Variants in PPP5C observed in about 807,000 individuals in gnomAD.
PPP5C encodes the protein serine/threonine-protein phosphatase 5.
PPP5C carries 21 observed loss-of-function variants against 66.7 expected under a neutral mutation model. That is an observed-to-expected ratio of 0.31 (90% confidence interval 0.22 to 0.45). PPP5C has a LOEUF of 0.45. PPP5C is among the 20% of genes least tolerant of loss of function. PPP5C has a pLI of 1.00. For synonymous variants in PPP5C, 246 were observed against 257.4 expected (o/e 0.96, Z 0.43); for missense variants, 464 against 675.9 (o/e 0.69, Z 3.48).
rs79887556 is a variant in PPP5C, at chr19:46,385,356, G to A, written c.904+447G>A. On this transcript the variant is annotated intron_variant, in intron 7 of 12. Coordinates refer to ENST00000012443, the MANE Select transcript of PPP5C (RefSeq NM_006247.4). The stretch of plus-strand genomic sequence containing the variant: ...TTTGGGTTCTCTTGATTGAAGTAGA[G>A]CCCGGAGCTGAGTGTGCTGGTTCAC... Among the ~76,000 whole-genome samples, 5 of 152,278 alleles carry A rather than the reference G, an allele frequency of 3.3e-5. 1 individual carries two copies. In the Middle Eastern group the frequency reaches 0.014, roughly 414 times the overall value.
At chr19:46,357,555 C>T (rs1289179419) in intron 2 of PPP5C, among the ~76,000 whole-genome samples, 1 of 152,100 alleles carries the variant, frequency 6.6e-6, no homozygotes, top group African/African-American at 2.4e-5. Context: ...GGACTTAGTC[C>T]CCACTTGTCC....
chr19:46,390,689 G>T lies in PPP5C; in HGVS notation c.*343G>T, dbSNP rs539681087. 1.7e-5 allele frequency: 20 copies of T among 1,210,586 alleles called. No homozygotes were observed. Among genetic ancestry groups the T allele is most frequent in the Non-Finnish European group, 2.1e-5 (20 of 958,870 alleles). The allele number at this position is 1,210,586 out of a possible 1,614,324, so 75.0% of individuals were successfully genotyped here. A position where few individuals can be genotyped will look rare whatever the true frequency, so the allele number is the denominator to read the frequency against. ...GCTCCTCCCCCACTCAAGCAATAGG[G>T]CCCCGCCATAGGAAGACCCCCAGAG... On this transcript the variant is annotated 3_prime_UTR_variant, in exon 13 of 13. Transcript: ENST00000012443.
chr19:46,352,631 T>C (rs1443142225), intron 1 of PPP5C, among the ~76,000 whole-genome samples: 1 of 152,058 alleles, frequency 6.6e-6, no homozygotes, highest in Non-Finnish European at 1.5e-5. Flanking sequence ...CCATCCTGGC[T>C]AACACGGTGA....
Position 46,388,003 on chromosome 19 carries a change from C to T in PPP5C, c.1136-405C>T, listed in dbSNP as rs12609390. On this transcript the variant is annotated intron_variant, in intron 9 of 12. Transcript: ENST00000012443. The surrounding 1 kb of genome is among the most constrained non-coding windows in gnomAD (Gnocchi z 4.9). ...GGGAGAAGTTGGCGAGTGGGCAGGG[C>T]TGTGCTTTGAGGGCTGACATTGGAC... 64,699 of 277,224 alleles carry T rather than the reference C, an allele frequency of 0.23. 8,561 individuals carry two copies. Among genetic ancestry groups the T allele is most frequent in the Non-Finnish European group, 0.3 (43,023 of 143,296 alleles). The allele number at this position is 277,224 out of a possible 1,614,324, so 17.2% of individuals were successfully genotyped here.
At chr19:46,350,182 C>G (rs926094963) in intron 1 of PPP5C, among the ~76,000 whole-genome samples, 1 of 152,074 alleles carries the variant, frequency 6.6e-6, no homozygotes, top group African/African-American at 2.4e-5. Flanking sequence ...AGAGGCCAGA[C>G]CAGGGCTGGG....
intron 2 of PPP5C, among the ~76,000 whole-genome samples, chr19:46,365,491 T>A (rs1972475334): frequency 6.6e-6 from 1 of 152,198 alleles, no homozygotes; most frequent in South Asian, 2.1e-4. Flanking sequence ...TGTGCCGCTT[T>A]GTGGGTGTCA....
Position 46,390,954 on chromosome 19 carries a change from C to A in PPP5C, c.*608C>A. ...AGGCCGCAAAGTCCCGCTGGCCGGGCCCACCCAGCTCTGGGCTGACCGCCC... is the reference window on the plus strand; with the variant it reads ...AGGCCGCAAAGTCCCGCTGGCCGGGACCACCCAGCTCTGGGCTGACCGCCC... On this transcript the variant is annotated 3_prime_UTR_variant, in exon 13 of 13. Coordinates refer to ENST00000012443, the MANE Select transcript of PPP5C (RefSeq NM_006247.4). 1.7e-6 allele frequency: 2 copies of A among 1,182,120 alleles called. No homozygotes were observed. The highest frequency in any genetic ancestry group is 3.1e-5 in the South Asian group (2 of 63,874). 73.2% of individuals were successfully genotyped at this position (1,182,120 alleles called of 1,614,324 possible).
chr19:46,383,355 C>G lies in PPP5C; in HGVS notation c.634-56C>G. ...TCATGGGCAGTCCAGGCTTTCGGGGCCAGGTTGGGCAGCAGCCCCTGCAGC... is the reference window on the plus strand; with the variant it reads ...TCATGGGCAGTCCAGGCTTTCGGGGGCAGGTTGGGCAGCAGCCCCTGCAGC... On this transcript the variant is annotated intron_variant, in intron 4 of 12. Coordinates refer to ENST00000012443, the MANE Select transcript of PPP5C (RefSeq NM_006247.4). The surrounding 1 kb of genome is among the most constrained non-coding windows in gnomAD (Gnocchi z 5.0). 1.3e-6 allele frequency: 2 copies of G among 1,585,262 alleles called. No homozygotes were observed. The highest frequency in any genetic ancestry group is 1.7e-6 in the Non-Finnish European group (2 of 1,166,486).
intron 2 of PPP5C, among the ~76,000 whole-genome samples, chr19:46,360,662 C>T (rs879586034): frequency 2.0e-5 from 3 of 151,992 alleles, no homozygotes; most frequent in South Asian, 2.1e-4. Flanking sequence ...CACCACACCC[C>T]GCTAATTTTT....
chr19:46,390,775 G>T lies in PPP5C; in HGVS notation c.*429G>T, dbSNP rs989206273. The T allele has an allele frequency of 5.3e-6, 6 of 1,131,834 alleles. No individual in the cohort carries two copies. In the African/African-American group the frequency reaches 8.0e-5, roughly 15 times the overall value. The allele number at this position is 1,131,834 out of a possible 1,614,324, so 70.1% of individuals were successfully genotyped here. On this transcript the variant is annotated 3_prime_UTR_variant, in exon 13 of 13. Coordinates refer to ENST00000012443, the MANE Select transcript of PPP5C (RefSeq NM_006247.4). ...CTCCTATAGCCCCATGGTGGGGCTA[G>T]GCTGGGGCTCACCCCCCTCCCCAGC...
At chr19:46,384,759 GCAC>G in intron 6 of PPP5C, 42 bp from the exon 7 acceptor site, 60 of 1,342,666 alleles carry the variant, frequency 4.5e-5, no homozygotes, top group Non-Finnish European at 6.2e-5. Flanking sequence ...CCACCGCACC[GCAC>G]CCTTCCCCTC....
chr19:46,351,484 C>T (rs534666677), intron 1 of PPP5C, among the ~76,000 whole-genome samples: 92 of 152,338 alleles, frequency 6.0e-4, no homozygotes, highest in Admixed American at 3.3e-3. Context: ...TCCTCACGGC[C>T]ACCCAGTGAG....
chr19:46,351,587 C>T (rs1972185497), intron 1 of PPP5C, among the ~76,000 whole-genome samples: 1 of 152,260 alleles, frequency 6.6e-6, no homozygotes. Flanking sequence ...AGGATCCCCT[C>T]CCTGTGCCAC....
At position 46,383,623 on chromosome 19, in the gene PPP5C, C is replaced by A; in HGVS notation, c.699+147C>A. 9.8e-7 allele frequency: 1 copy of A among 1,021,524 alleles called. No individual in the cohort carries two copies. The highest frequency in any genetic ancestry group is 1.4e-6 in the Non-Finnish European group (1 of 695,646). 63.3% of individuals were successfully genotyped at this position (1,021,524 alleles called of 1,614,324 possible). A position where few individuals can be genotyped will look rare whatever the true frequency, so the allele number is the denominator to read the frequency against. ...GCCTTTCCTCCTGAATATCCCATTTCTCTCCTGGCCTCTTGGTCTTCGTTT... is the reference window on the plus strand; with the variant it reads ...GCCTTTCCTCCTGAATATCCCATTTATCTCCTGGCCTCTTGGTCTTCGTTT... On this transcript the variant is annotated intron_variant, in intron 5 of 12. Coordinates refer to ENST00000012443, the MANE Select transcript of PPP5C (RefSeq NM_006247.4). The surrounding 1 kb of genome is among the most constrained non-coding windows in gnomAD (Gnocchi z 5.0).
chr19:46,389,535 G>GCTGA (rs749435588), intron 11 of PPP5C, among the ~76,000 whole-genome samples: 1 of 150,268 alleles, frequency 6.7e-6, no homozygotes, highest in East Asian at 2.0e-4. Context: ...GTCTTTTCCA[G>GCTGA]CTGACTTCTT....
intron 4 of PPP5C, among the ~76,000 whole-genome samples, chr19:46,378,865 T>C (rs1306442073): frequency 6.6e-6 from 1 of 151,106 alleles, no homozygotes; most frequent in African/African-American, 2.4e-5. Flanking sequence ...GTCTTGCCTT[T>C]TTATCCAGTT....
At chr19:46,361,129 A>ATTTTTTT (rs59090221) in intron 2 of PPP5C, among the ~76,000 whole-genome samples, 1 of 140,252 alleles carries the variant, frequency 7.1e-6, no homozygotes, top group Non-Finnish European at 1.5e-5. Flanking sequence ...GTGAAAGAAA[A>ATTTTTTT]TTTTTTTTTT....
Position 46,357,796 on chromosome 19 carries a change from C to T in PPP5C, c.363+3807C>T, listed in dbSNP as rs1972313137. 2.0e-5 allele frequency among the ~76,000 whole-genome samples: 3 copies of T among 152,332 alleles called. No individual in the cohort carries two copies. In the South Asian group the frequency reaches 6.2e-4, roughly 32 times the overall value. On this transcript the variant is annotated intron_variant, in intron 2 of 12. Transcript: ENST00000012443. ...GGGATGGAGTGCAGAGCTTCCGCGC[C>T]CTCTCCTGGAGCACCACTCTTCAGG...
chr19:46,363,087 G>A (rs961196952), intron 2 of PPP5C, among the ~76,000 whole-genome samples: 5 of 149,772 alleles, frequency 3.3e-5, no homozygotes, highest in African/African-American at 9.8e-5. Flanking sequence ...GCCCCGGGCC[G>A]CCGACATAGT....
Sources: gnomAD v4.1 joint callset for allele counts (sites outside exome capture counted in the v4.1 genomes callset) on GRCh38, gnomAD v4.1.1 for gene constraint, Gnocchi (gnomAD v3.1) non-coding constraint, MANE v1.5 for transcripts, NCBI Gene and HGNC (gene_info 2026-07-23, HGNC 2026-07-21) for gene names.